Variants in AKAP12 observed in about 807,000 individuals in gnomAD.
AKAP12 encodes the protein A-kinase anchor protein 12.
AKAP12 carries 32 observed loss-of-function variants against 79.9 expected under a neutral mutation model. That is an observed-to-expected ratio of 0.40 (90% CI 0.30 to 0.54). The LOEUF (loss-of-function observed/expected upper bound fraction) is 0.54, where lower values mean the gene tolerates loss of function less well. Ranked by LOEUF, AKAP12 falls within the 20% of genes least tolerant of loss-of-function variation. The pLI is 0.48. For synonymous variants in AKAP12, 808 were observed against 857.0 expected, an observed-to-expected ratio of 0.94 and a Z score of 1.00; for missense variants, 2,074 against 2,177.0, an observed-to-expected ratio of 0.95 and a Z score of 0.94.
chr6:151,345,930 TGTGAGAGAGAGA>T (rs1232830417), intron 3 of AKAP12, among the ~76,000 whole-genome samples: 9 of 108,820 alleles, frequency 8.3e-5, no homozygotes, highest in Middle Eastern at 8.7e-3. Flanking sequence ...TGTGTGTGTG[TGTGAGAGAGAGA>T]GAGAGAGAGA....
rs146719070 is a variant in AKAP12 at position 151,259,067 on chromosome 6, C to T, written c.162+18343C>T. Among the ~76,000 whole-genome samples the T allele has an allele frequency of 1.7e-3, 253 of 150,698 alleles. 1 individual carries two copies. Among genetic ancestry groups the T allele is most frequent in the African/African-American group, 5.3e-3 (217 of 41,058 alleles). ...TGTGTGTATATATATATATTGGAGA[C>T]GGAGTCTTGCTCTGTCACCCAGGCT... On this transcript the variant is annotated intron_variant, in intron 2 of 4. Coordinates refer to ENST00000402676, the MANE Select transcript of AKAP12 (RefSeq NM_005100.4).
At chr6:151,337,505 C>G (rs1777845269) in intron 3 of AKAP12, among the ~76,000 whole-genome samples, 1 of 77,926 alleles carries the variant, frequency 1.3e-5, no homozygotes, top group Non-Finnish European at 2.2e-5. Flanking sequence ...ATAAGAGTTT[C>G]CGTCTCGAAA....
chr6:151,352,579 T>G lies in AKAP12; in HGVS notation c.4188T>G (p.Pro1396=). The G allele has an allele frequency of 6.2e-7, 1 of 1,614,106 alleles. No homozygotes were observed. Among genetic ancestry groups the G allele is most frequent in the Non-Finnish European group, 8.5e-7 (1 of 1,180,022 alleles). ...AAGTCAGCAGTTTGGAAGGAAGCCCTCCTCCCTGCCTAGGTCAAGAGGAGG... is the reference window on the plus strand; with the variant it reads ...AAGTCAGCAGTTTGGAAGGAAGCCCGCCTCCCTGCCTAGGTCAAGAGGAGG... ...AKEVSSLEGS[P]PPCLGQEEAV... Residue 1396 remains proline (P), a synonymous_variant, in exon 4 of 5, where the codon CCT becomes CCG. Transcript: ENST00000402676.
chr6:151,328,636 C>CAA (rs113704575), intron 3 of AKAP12, among the ~76,000 whole-genome samples: 5 of 116,472 alleles, frequency 4.3e-5, no homozygotes, highest in Non-Finnish European at 3.9e-5. Context: ...GACTCCGTCT[C>CAA]AAAAAAAAAA....
At chr6:151,308,652 G>A (rs1177856593) in intron 3 of AKAP12, among the ~76,000 whole-genome samples, 1 of 152,160 alleles carries the variant, frequency 6.6e-6, no homozygotes, top group Non-Finnish European at 1.5e-5. Flanking sequence ...TACTTTTGGG[G>A]TGAGCTTTTG....
intron 2 of AKAP12, among the ~76,000 whole-genome samples, chr6:151,253,488 G>C (rs554228240): frequency 1.3e-5 from 2 of 151,908 alleles, no homozygotes; most frequent in East Asian, 3.9e-4. Context: ...TGGGCCTCCT[G>C]AAATTAAAAT....
At chr6:151,297,235 G>A (rs1490458291) in intron 2 of AKAP12, among the ~76,000 whole-genome samples, 1 of 145,080 alleles carries the variant, frequency 6.9e-6, no homozygotes, top group East Asian at 2.0e-4. Context: ...AGGATCACTT[G>A]CCCTCGCAAC....
At position 151,356,771 on chromosome 6, in the gene AKAP12, C is replaced by T. The variant is rs535786192; in HGVS notation, c.*1057C>T. On this transcript the variant is annotated 3_prime_UTR_variant, in exon 5 of 5. Transcript: ENST00000402676. ...TGATTTAAATAAAATATTTGCTTCACTTAGATTTGCTGGTTTTATTAGATA... is the reference window on the plus strand; with the variant it reads ...TGATTTAAATAAAATATTTGCTTCATTTAGATTTGCTGGTTTTATTAGATA... The T allele has an allele frequency of 1.3e-5, 2 of 152,260 alleles. No homozygotes were observed. The highest frequency in any genetic ancestry group is 4.1e-4 in the South Asian group (2 of 4,822). The allele number at this position is 152,260 out of a possible 1,614,324, so 9.4% of individuals were successfully genotyped here.
At chr6:151,337,430 G>A (rs576724643) in intron 3 of AKAP12, among the ~76,000 whole-genome samples, 5 of 149,300 alleles carry the variant, frequency 3.3e-5, no homozygotes, top group East Asian at 2.0e-4. Context: ...CAGAAGAATC[G>A]CTTGAACCCA....
Position 151,325,786 on chromosome 6 carries a change from C to T in AKAP12, c.319+19883C>T, listed in dbSNP as rs1777508818. 3.7e-6 allele frequency: 6 copies of T among 1,611,856 alleles called. No homozygotes were observed. The Admixed American group carries it at 1.0e-4, about 27-fold the overall frequency. Reference sequence around the variant, plus strand: ...GCCGAAACCACCTGCGGTTGGCAGGCAGGAGACTAGGCGTCTGCCGGGGAG... The same window carrying T: ...GCCGAAACCACCTGCGGTTGGCAGGTAGGAGACTAGGCGTCTGCCGGGGAG... On this transcript the variant is annotated intron_variant, in intron 3 of 4. Transcript: ENST00000402676.
chr6:151,337,512 G>GAAAAAAAAAAAA (rs565900855), intron 3 of AKAP12, among the ~76,000 whole-genome samples: 2 of 101,814 alleles, frequency 2.0e-5, no homozygotes, highest in African/African-American at 9.1e-5. Context: ...TTTCCGTCTC[G>GAAAAAAAAAAAA]AAAAAAAAAA....
chr6:151,265,835 G>A (rs1797541093), intron 2 of AKAP12, among the ~76,000 whole-genome samples: 1 of 152,164 alleles, frequency 6.6e-6, no homozygotes, highest in African/African-American at 2.4e-5. Flanking sequence ...ACAACTGTGT[G>A]AGAAAAGAAA....
intron 2 of AKAP12, among the ~76,000 whole-genome samples, chr6:151,249,512 T>C (rs564040481): frequency 1.3e-5 from 2 of 152,304 alleles, no homozygotes; most frequent in Admixed American, 6.5e-5. Flanking sequence ...GCTTCTGTAC[T>C]CCAGGAACTG....
chr6:151,263,466 T>A (rs1327533495), intron 2 of AKAP12, among the ~76,000 whole-genome samples: 1 of 152,258 alleles, frequency 6.6e-6, no homozygotes, highest in Admixed American at 6.5e-5. Flanking sequence ...TAACTCTGTA[T>A]CCATGCAAAA....
intron 2 of AKAP12, among the ~76,000 whole-genome samples, chr6:151,252,886 CTG>C (rs1209214786): frequency 2.0e-5 from 3 of 152,202 alleles, no homozygotes; most frequent in Non-Finnish European, 2.9e-5. Flanking sequence ...TGGTCATTGA[CTG>C]TATTCCTTCC....
chr6:151,254,811 C>G (rs550410779), intron 2 of AKAP12, among the ~76,000 whole-genome samples: 1 of 152,292 alleles, frequency 6.6e-6, no homozygotes, highest in Admixed American at 6.5e-5. Flanking sequence ...TCTTGAATCG[C>G]AACAATGACA....
At chr6:151,332,035 T>TG (rs1448624184) in intron 3 of AKAP12, among the ~76,000 whole-genome samples, 1,691 of 63,304 alleles carry the variant, frequency 0.027, 45 homozygotes, top group African/African-American at 0.066. Context: ...CTGGGTCTGT[T>TG]TTTTTTTTTT....
At position 151,351,645 on chromosome 6, in the gene AKAP12, G is replaced by C; in HGVS notation, c.3254G>C (p.Gly1085Ala). 6.2e-7 allele frequency: 1 copy of C among 1,614,198 alleles called. No homozygotes were observed. Among genetic ancestry groups the C allele is most frequent in the Non-Finnish European group, 8.5e-7 (1 of 1,180,046 alleles). The change falls in exon 4 of 5, where the codon GGT becomes GCT. Residue 1085 changes from glycine to alanine, a missense_variant. Gly to Ala is a moderately conservative substitution (Grantham distance 60, BLOSUM62 0). Around this residue, in one of 3 missense-constraint regions of AKAP12, gnomAD observed 1,428 missense variants for 1,451.0 expected, o/e 0.98. Transcript: ENST00000402676. This position sits in a 1 kb window ranked among gnomAD's most constrained non-coding sequence, Gnocchi z 4.4. ...ERPEEQAEASGLKKETDVVLK... is the reference protein window; with the variant it reads ...ERPEEQAEASALKKETDVVLK... ...CCAGAAGAGCAGGCTGAAGCGTCGG[G>C]TCTGAAGAAAGAGACGGATGTAGTG...
At chr6:151,341,362 C>G (rs1231636700) in intron 3 of AKAP12, among the ~76,000 whole-genome samples, 15 of 152,168 alleles carry the variant, frequency 9.9e-5, no homozygotes, top group Middle Eastern at 3.4e-3. Context: ...CCTCGAGGCC[C>G]TTTTTCTTTT....
Sources: gnomAD v4.1 joint callset for allele counts (sites outside exome capture counted in the v4.1 genomes callset) on GRCh38, gnomAD v4.1.1 for gene constraint, gnomAD v4.1.1 regional missense constraint, Gnocchi (gnomAD v3.1) non-coding constraint, MANE v1.5 for transcripts, NCBI Gene and HGNC (gene_info 2026-07-23, HGNC 2026-07-21) for gene names.